Variants in HCN1 observed in about 807,000 individuals in gnomAD.
HCN1 encodes hyperpolarization activated cyclic nucleotide gated potassium channel 1.
HCN1 carries 13 observed loss-of-function variants against 78.9 expected under a neutral mutation model. The ratio of observed to expected loss-of-function variants is 0.16; its 90% CI spans 0.11 to 0.26. The LOEUF (loss-of-function observed/expected upper bound fraction) is 0.26, where lower values mean the gene tolerates loss of function less well. Ranked by LOEUF, HCN1 falls within the 10% of genes least tolerant of loss-of-function variation. HCN1 has a pLI of 1.00. For missense variants in HCN1, 810 were observed against 1,154.3 expected, an observed-to-expected ratio of 0.70 and a Z score of 4.32; for synonymous variants, 552 against 455.5, an observed-to-expected ratio of 1.21 and a Z score of -2.70.
Position 45,262,167 on chromosome 5 carries a change from G to A in HCN1, c.2427C>T (p.Gly809=), listed in dbSNP as rs774013410. 11 of 1,613,804 alleles carry A rather than the reference G, an allele frequency of 6.8e-6. No homozygotes were observed. The highest frequency in any genetic ancestry group is 8.5e-6 in the Non-Finnish European group (10 of 1,180,012). The change falls in exon 8 of 8, where the codon GGC becomes GGT. Residue 809 remains glycine, a synonymous_variant. Transcript: ENST00000303230. The part of the protein sequence containing the change: ...TLISRPHPTV[G]ESLASIPQPV... ...GTTGAGGGATGGAGGCCAGGGACTC[G>A]CCCACAGTGGGATGAGGTCTGGAAA...
intron 2 of HCN1, among the ~76,000 whole-genome samples, chr5:45,571,831 C>T (rs944943889): frequency 1.3e-5 from 2 of 152,134 alleles, no homozygotes; most frequent in East Asian, 3.9e-4. Context: ...GGAGAATTGC[C>T]TGAACCTGGG....
chr5:45,614,774 G>T (rs542852359), intron 2 of HCN1, among the ~76,000 whole-genome samples: 1 of 151,846 alleles, frequency 6.6e-6, no homozygotes, highest in South Asian at 2.1e-4. Context: ...TACTGCAAAA[G>T]AATTTCATTT....
intron 4 of HCN1, among the ~76,000 whole-genome samples, chr5:45,372,213 AATATAATAT>A (rs1327632031): frequency 1.4e-5 from 1 of 70,932 alleles, no homozygotes; most frequent in Non-Finnish European, 2.3e-5. Context: ...CATATTATAT[AATATAATAT>A]ATATAATATA....
chr5:45,460,269 G>T (rs1001099348), intron 3 of HCN1, among the ~76,000 whole-genome samples: 1 of 152,098 alleles, frequency 6.6e-6, no homozygotes, highest in Non-Finnish European at 1.5e-5. Context: ...GTATGTTCCT[G>T]CCGCCTTTCC....
At chr5:45,562,892 T>C (rs1428786334) in intron 2 of HCN1, among the ~76,000 whole-genome samples, 1 of 152,164 alleles carries the variant, frequency 6.6e-6, no homozygotes, top group Non-Finnish European at 1.5e-5. Context: ...AACATTAATT[T>C]GAATTAAGCA....
rs1027732766 is a variant in HCN1, at chr5:45,259,155, A to T, written c.*2766T>A. On this transcript the variant is annotated 3_prime_UTR_variant, in exon 8 of 8. Coordinates refer to ENST00000303230, the MANE Select transcript of HCN1 (RefSeq NM_021072.4). ...TGATTATCAAGTATAAGCTCTTGGA[A>T]ATTTTATGATGTAAAAATAGAGGCA... 1.3e-5 allele frequency: 2 copies of T among 152,040 alleles called. No individual in the cohort carries two copies. Among genetic ancestry groups the T allele is most frequent in the Non-Finnish European group, 2.9e-5 (2 of 67,922 alleles). 9.4% of individuals were successfully genotyped at this position (152,040 alleles called of 1,614,324 possible).
At chr5:45,497,945 C>T (rs867689088) in intron 2 of HCN1, among the ~76,000 whole-genome samples, 20 of 152,194 alleles carry the variant, frequency 1.3e-4, no homozygotes, top group East Asian at 3.9e-4. Flanking sequence ...GAGTTTCTGC[C>T]GAGAGATCCG....
chr5:45,653,334 C>G (rs1297178668), intron 1 of HCN1, among the ~76,000 whole-genome samples: 2 of 152,076 alleles, frequency 1.3e-5, no homozygotes, highest in Non-Finnish European at 2.9e-5. Context: ...CGTAATTTCT[C>G]TACATGATTT....
At position 45,593,210 on chromosome 5, in the gene HCN1, GCGCA is replaced by G. The variant is rs770579046; in HGVS notation, c.849+51971_849+51974del. ...CAGTTGCACGCGCGCATGCACGCAC[GCGCA>G]CACACACACACACACACACAGACAC... is the stretch of plus-strand genomic sequence containing the variant. On this transcript the variant is annotated intron_variant, in intron 2 of 7. Transcript: ENST00000303230. 7.0e-5 allele frequency among the ~76,000 whole-genome samples: 6 copies of G among 86,058 alleles called. No individual in the cohort carries two copies. The East Asian group carries it at 2.0e-3, about 29-fold the overall frequency. 56.5% of individuals were successfully genotyped at this position (86,058 alleles called of 152,430 possible).
At chr5:45,606,066 G>C (rs959630459) in intron 2 of HCN1, among the ~76,000 whole-genome samples, 2 of 151,898 alleles carry the variant, frequency 1.3e-5, no homozygotes, top group African/African-American at 4.8e-5. Flanking sequence ...AGGCAGGGTT[G>C]GAAATGTTAA....
At chr5:45,316,627 C>T (rs566952727) in intron 5 of HCN1, among the ~76,000 whole-genome samples, 4 of 152,234 alleles carry the variant, frequency 2.6e-5, no homozygotes, top group South Asian at 4.1e-4. Context: ...TCAAATTGTC[C>T]CTGTTGGTAG....
rs180808788 is a variant in HCN1, at chr5:45,349,874, A to G, written c.1377+3226T>C. On this transcript the variant is annotated intron_variant, in intron 5 of 7. Coordinates refer to ENST00000303230, the MANE Select transcript of HCN1 (RefSeq NM_021072.4). ...CAGTAACAGGCTCTGAAATTGTGGC[A>G]ATAATCAATAGCTTACCAACCAAAA... Among the ~76,000 whole-genome samples, 738 of 152,332 alleles carry G rather than the reference A, an allele frequency of 4.8e-3. 3 individuals are homozygous for G. The highest frequency in any genetic ancestry group is 0.017 in the African/African-American group (706 of 41,570).
intron 5 of HCN1, among the ~76,000 whole-genome samples, chr5:45,352,530 T>C (rs889630947): frequency 4.6e-5 from 7 of 151,764 alleles, no homozygotes; most frequent in African/African-American, 1.7e-4. Flanking sequence ...ATAATAATAA[T>C]AAAATAAAAT....
At chr5:45,266,628 T>C (rs1744862698) in intron 7 of HCN1, among the ~76,000 whole-genome samples, 1 of 151,436 alleles carries the variant, frequency 6.6e-6, no homozygotes, top group African/African-American at 2.4e-5. Flanking sequence ...GGGACCCAGA[T>C]CTCTCAAGAA....
intron 2 of HCN1, among the ~76,000 whole-genome samples, chr5:45,638,961 G>T (rs1002820860): frequency 6.6e-6 from 1 of 152,088 alleles, no homozygotes; most frequent in Non-Finnish European, 1.5e-5. Flanking sequence ...CAGCATATCT[G>T]TTAAGCTATC....
chr5:45,476,180 T>G (rs1741510271), intron 2 of HCN1, among the ~76,000 whole-genome samples: 1 of 152,116 alleles, frequency 6.6e-6, no homozygotes, highest in Non-Finnish European at 1.5e-5. Flanking sequence ...TTTCACTCTC[T>G]CTCTCTGTCG....
chr5:45,463,979 T>C (rs1351969380), intron 2 of HCN1, among the ~76,000 whole-genome samples: 3 of 152,042 alleles, frequency 2.0e-5, no homozygotes, highest in Non-Finnish European at 4.4e-5. Flanking sequence ...CTACAAATTA[T>C]AAGTATACAG....
chr5:45,551,530 A>G (rs1249402232), intron 2 of HCN1, among the ~76,000 whole-genome samples: 1 of 151,972 alleles, frequency 6.6e-6, no homozygotes, highest in African/African-American at 2.4e-5. Flanking sequence ...AAATGATAGA[A>G]GATTAAAGAT....
intron 5 of HCN1, among the ~76,000 whole-genome samples, chr5:45,344,019 TA>T (rs1158172072): frequency 2.0e-5 from 3 of 152,146 alleles, no homozygotes; most frequent in Non-Finnish European, 4.4e-5. Context: ...GAGTAATTTA[TA>T]AACAAAAGAG....
Sources: allele counts gnomAD v4.1 joint callset (sites outside exome capture counted in the v4.1 genomes callset), GRCh38; gene constraint gnomAD v4.1.1; transcripts MANE v1.5; gene names NCBI Gene and HGNC (gene_info 2026-07-23, HGNC 2026-07-21).